PKHD1: variants seen among roughly 807,000 people sequenced by gnomAD.
PKHD1 encodes the protein PKHD1 ciliary IPT domain containing fibrocystin/polyductin.
In PKHD1, 291 loss-of-function variants were observed where a neutral mutation model predicts 412.0. The ratio of observed to expected loss-of-function variants is 0.71; its 90% CI spans 0.64 to 0.78. The LOEUF (loss-of-function observed/expected upper bound fraction) is 0.78. Ranked by LOEUF, PKHD1 falls within the 30% of genes least tolerant of loss-of-function variation. The pLI is 0.00. For synonymous variants in PKHD1, 1,777 were observed against 1,821.5 expected, an observed-to-expected ratio of 0.98 and a Z score of 0.62; for missense variants, 4,825 against 4,950.7, an observed-to-expected ratio of 0.97 and a Z score of 0.76.
intron 49 of PKHD1, among the ~76,000 whole-genome samples, chr6:51,848,210 T>C (rs1332257843): frequency 6.6e-6 from 1 of 152,154 alleles, no homozygotes; most frequent in East Asian, 1.9e-4. Context: ...AAAGATGCCA[T>C]AAGGTTCATC....
intron 52 of PKHD1, among the ~76,000 whole-genome samples, chr6:51,811,337 T>G (rs762540833): frequency 6.6e-6 from 1 of 152,104 alleles, no homozygotes; most frequent in Non-Finnish European, 1.5e-5. Flanking sequence ...AGTGAAAAAA[T>G]TGGGGTGAAA....
intron 59 of PKHD1, among the ~76,000 whole-genome samples, chr6:51,746,196 G>T (rs762854972): frequency 1.3e-5 from 2 of 152,100 alleles, no homozygotes; most frequent in Non-Finnish European, 2.9e-5. Context: ...ACCAATATCT[G>T]CTAGACCTCA....
intron 36 of PKHD1, among the ~76,000 whole-genome samples, chr6:51,947,714 T>C (rs1336871656): frequency 6.6e-6 from 1 of 152,154 alleles, no homozygotes; most frequent in African/African-American, 2.4e-5. Context: ...TCAGTCTCTG[T>C]AGACCATGCC....
chr6:51,886,562 A>G (rs1336170562), intron 44 of PKHD1, among the ~76,000 whole-genome samples: 1 of 152,212 alleles, frequency 6.6e-6, no homozygotes, highest in Non-Finnish European at 1.5e-5. Flanking sequence ...GCAATAGTAC[A>G]TCATATCATT....
At chr6:51,996,734 C>T (rs913645279) in intron 35 of PKHD1, among the ~76,000 whole-genome samples, 2 of 152,176 alleles carry the variant, frequency 1.3e-5, no homozygotes, top group Admixed American at 6.5e-5. Flanking sequence ...TCTCATGCAA[C>T]AGCAAGGCCT....
rs1060501355 is a variant in PKHD1 at position 51,748,453 on chromosome 6, C to A, written c.9163G>T (p.Gly3055Cys). 1.2e-6 allele frequency: 2 copies of A among 1,613,944 alleles called. No homozygotes were observed. The highest frequency in any genetic ancestry group is 1.7e-6 in the Non-Finnish European group (2 of 1,179,932). ...TTATTAGTGACAGTATAGGCCTGAC[C>A]CTCTAAATCTATGCCATGGCCAGCT... ...GTAGHGIDLE[G>C]QAYTVTNNLV... The change falls in exon 58 of 67, where the codon GGT (glycine) becomes TGT (cysteine). Residue 3055 changes from glycine to cysteine, a missense_variant. Physicochemically the swap from Gly to Cys is radical, Grantham distance 159. Coordinates refer to ENST00000371117, the MANE Select transcript of PKHD1 (RefSeq NM_138694.4).
At chr6:51,946,661 C>T (rs2127843187) in intron 36 of PKHD1, among the ~76,000 whole-genome samples, 1 of 152,314 alleles carries the variant, frequency 6.6e-6, no homozygotes, top group Admixed American at 6.5e-5. Context: ...CTTGTTATGA[C>T]TTTCATGAAA....
In PKHD1 at chr6:51,805,757, T is replaced by C. The variant is rs148297314; in HGVS notation, c.8303-14384A>G. ...AGCCAACTCATATTTTTCAGAGTGC[T>C]CTGGCTGCAGTGGGGGAGAATGGAG... On this transcript the variant is annotated intron_variant, in intron 52 of 66. Coordinates refer to ENST00000371117, the MANE Select transcript of PKHD1 (RefSeq NM_138694.4). Among the ~76,000 whole-genome samples the C allele has an allele frequency of 1.3e-3, 195 of 152,242 alleles. 1 individual carries two copies. Among genetic ancestry groups the C allele is most frequent in the African/African-American group, 4.4e-3 (183 of 41,568 alleles).
In PKHD1 at chr6:52,058,260, C is replaced by G. The variant is rs1808095289; in HGVS notation, c.1512+63G>C. On this transcript the variant is annotated intron_variant, in intron 16 of 66. Coordinates refer to ENST00000371117, the MANE Select transcript of PKHD1 (RefSeq NM_138694.4). Reference sequence around the variant, plus strand: ...GTCGCCAGACTCCCAGTCAGTGCTCCTGCTACATGGGACTTTATTCCTTCC... The same window carrying G: ...GTCGCCAGACTCCCAGTCAGTGCTCGTGCTACATGGGACTTTATTCCTTCC... The G allele has an allele frequency of 2.6e-6, 4 of 1,562,576 alleles. No homozygotes were observed. The Admixed American group carries it at 6.7e-5, about 26-fold the overall frequency.
At chr6:51,777,310 T>G (rs1019626557) in intron 53 of PKHD1, among the ~76,000 whole-genome samples, 1 of 152,096 alleles carries the variant, frequency 6.6e-6, no homozygotes, top group Non-Finnish European at 1.5e-5. Context: ...ATACCTATTT[T>G]TATAGTTCAG....
chr6:51,657,122 A>T (rs113300257), intron 61 of PKHD1, among the ~76,000 whole-genome samples: 4 of 3,980 alleles, frequency 1.0e-3, no homozygotes, highest in Admixed American at 6.1e-3. Context: ...AATAATAATA[A>T]AAAAAAAAAA....
intron 53 of PKHD1, among the ~76,000 whole-genome samples, chr6:51,784,124 T>C (rs1792482319): frequency 6.6e-6 from 1 of 152,148 alleles, no homozygotes; most frequent in East Asian, 1.9e-4. Flanking sequence ...AGGACACTAA[T>C]TAAAACATGC....
intron 35 of PKHD1, among the ~76,000 whole-genome samples, chr6:51,961,875 C>T (rs772608997): frequency 6.6e-6 from 1 of 152,032 alleles, no homozygotes; most frequent in African/African-American, 2.4e-5. Context: ...CTATTTTAGG[C>T]AGTGTTCCTT....
intron 60 of PKHD1, among the ~76,000 whole-genome samples, chr6:51,689,585 T>C (rs1158784819): frequency 6.6e-6 from 1 of 152,164 alleles, no homozygotes; most frequent in Non-Finnish European, 1.5e-5. Flanking sequence ...TGATCCTATG[T>C]CTTGAAAACC....
intron 52 of PKHD1, among the ~76,000 whole-genome samples, chr6:51,793,909 G>A (rs1794150472): frequency 6.6e-6 from 1 of 152,156 alleles, no homozygotes; most frequent in Admixed American, 6.5e-5. Context: ...TTGCTGGGTC[G>A]AATGGTATTT....
intron 50 of PKHD1, 85 bp from the exon 51 acceptor site, chr6:51,836,554 AT>A: frequency 2.0e-6 from 2 of 993,098 alleles, no homozygotes; most frequent in Non-Finnish European, 3.2e-6. Context: ...AGAAGAATTT[AT>A]GCTAAATTCT....
chr6:51,971,706 G>A (rs1793691066), intron 35 of PKHD1, among the ~76,000 whole-genome samples: 1 of 118,318 alleles, frequency 8.5e-6, no homozygotes, highest in South Asian at 2.8e-4. Context: ...GGTTTTTTTT[G>A]CTTTTTGTTT....
intron 49 of PKHD1, among the ~76,000 whole-genome samples, chr6:51,852,175 G>A (rs2151657600): frequency 6.6e-6 from 1 of 152,214 alleles, no homozygotes; most frequent in South Asian, 2.1e-4. Flanking sequence ...AGTCATTCAG[G>A]AGCAGATTGT....
At chr6:51,680,748 C>T (rs1582044462) in intron 60 of PKHD1, among the ~76,000 whole-genome samples, 2 of 152,094 alleles carry the variant, frequency 1.3e-5, no homozygotes, top group East Asian at 3.9e-4. Context: ...CTTGAATATA[C>T]ATTTCTCCAT....
Sources: allele counts gnomAD v4.1 joint callset (sites outside exome capture counted in the v4.1 genomes callset), GRCh38; gene constraint gnomAD v4.1.1; transcripts MANE v1.5; gene names NCBI Gene and HGNC (gene_info 2026-07-23, HGNC 2026-07-21).